The following OGDH variants were observed in gnomAD, a reference collection of about 807,000 sequenced individuals.
OGDH encodes 2-oxoglutarate dehydrogenase complex component E1.
OGDH carries 38 observed loss-of-function variants against 116.6 expected under a neutral mutation model. That is an observed-to-expected ratio of 0.33 (90% CI 0.25 to 0.43). The LOEUF (loss-of-function observed/expected upper bound fraction) is 0.43. Among genes scored for constraint, OGDH ranks in the 20% least tolerant of loss-of-function variants. The probability of loss-of-function intolerance (pLI) is 1.00; values close to 1 mark genes in which losing one functional copy is unlikely to be tolerated. For missense variants in OGDH, 825 were observed against 1,357.2 expected (o/e 0.61, Z 6.16); for synonymous variants, 488 against 533.3 (o/e 0.92, Z 1.17).
intron 4 of OGDH, among the ~76,000 whole-genome samples, chr7:44,652,868 G>T (rs1234337271): frequency 6.6e-6 from 1 of 152,044 alleles, no homozygotes; most frequent in African/African-American, 2.4e-5. Context: ...TGGTAGGAGG[G>T]CTCCTAGGGA....
chr7:44,609,873 A>T (rs1784497371), intron 1 of OGDH, among the ~76,000 whole-genome samples: 1 of 152,180 alleles, frequency 6.6e-6, no homozygotes, highest in South Asian at 2.1e-4. Context: ...TTTTTATTAT[A>T]GCCATTCCAA....
At chr7:44,661,983 C>G (rs572968444) in intron 4 of OGDH, among the ~76,000 whole-genome samples, 2 of 152,186 alleles carry the variant, frequency 1.3e-5, no homozygotes, top group African/African-American at 4.8e-5. Flanking sequence ...TTATCATCTA[C>G]TAGTGTCATA....
chr7:44,675,830 T>C, intron 8 of OGDH, 140 bp from the exon 9 acceptor site: 2 of 771,102 alleles, frequency 2.6e-6, no homozygotes, highest in South Asian at 3.7e-5. Context: ...TGAGCCGAGA[T>C]CGCGCCATTG....
Position 44,697,623 on chromosome 7 carries a change from CA to C in OGDH, c.2200del (p.Met734TrpfsTer121). The C allele has an allele frequency of 6.2e-7, 1 of 1,614,270 alleles. No individual in the cohort carries two copies. The highest frequency in any genetic ancestry group is 8.5e-7 in the Non-Finnish European group (1 of 1,180,048). Reference protein sequence around the residue: ...GVLGFELGFAMASPNALVLWE... With the variant: ...GVLGFELGFAXASPNALVLWE... The stretch of plus-strand genomic sequence containing the variant: ...TTGTAGGCTTTGAGCTGGGCTTCGC[CA>C]TGGCCAGTCCTAATGCCCTGGTCCT... On this transcript the variant is annotated frameshift_variant, in exon 17 of 23. Coordinates refer to ENST00000222673, the MANE Select transcript of OGDH (RefSeq NM_002541.4). LOFTEE classifies it high-confidence loss of function. The surrounding 1 kb of genome is among the most constrained non-coding windows in gnomAD (Gnocchi z 6.0).
At chr7:44,623,330 G>A (rs1366150448) in intron 1 of OGDH, among the ~76,000 whole-genome samples, 1 of 152,110 alleles carries the variant, frequency 6.6e-6, no homozygotes, top group Non-Finnish European at 1.5e-5. Context: ...GGCATATTCT[G>A]CACCTCTCAA....
At chr7:44,660,822 G>T (rs1367172803) in intron 4 of OGDH, among the ~76,000 whole-genome samples, 2 of 152,120 alleles carry the variant, frequency 1.3e-5, no homozygotes, top group African/African-American at 4.8e-5. Context: ...TAGCCACTCA[G>T]GAGGCTAAGG....
intron 4 of OGDH, among the ~76,000 whole-genome samples, chr7:44,659,315 T>C (rs1163913461): frequency 6.6e-6 from 1 of 152,244 alleles, no homozygotes; most frequent in African/African-American, 2.4e-5. Context: ...TCTGTCTCTT[T>C]ATATATTTTG....
In OGDH at chr7:44,629,577, TTTC is replaced by T. The variant is rs1270667816; in HGVS notation, c.222+5015_222+5017del. Among the ~76,000 whole-genome samples the T allele has an allele frequency of 6.4e-4, 41 of 64,362 alleles. 1 individual carries two copies. The highest frequency in any genetic ancestry group is 1.5e-3 in the Non-Finnish European group (30 of 19,454). The allele number at this position is 64,362 out of a possible 152,430, so 42.2% of individuals were successfully genotyped here. ...TCTTTTCTTTCCTTTTTCTTTTTCT[TTTC>T]TTTTTTTTTTTTTTTTTTGAGACGA... On this transcript the variant is annotated intron_variant, in intron 2 of 22. Transcript: ENST00000222673.
chr7:44,620,000 T>C (rs906876228), intron 1 of OGDH, among the ~76,000 whole-genome samples: 17 of 152,120 alleles, frequency 1.1e-4, no homozygotes, highest in African/African-American at 3.4e-4. Flanking sequence ...TCTTAATAAG[T>C]TCTTTGAAGC....
intron 4 of OGDH, among the ~76,000 whole-genome samples, chr7:44,650,523 A>G (rs185003721): frequency 2.0e-5 from 3 of 152,298 alleles, no homozygotes; most frequent in Admixed American, 6.5e-5. Flanking sequence ...GACCTTAACT[A>G]TGCTCCAAGT....
At chr7:44,673,605 C>T (rs145533773) in intron 5 of OGDH, among the ~76,000 whole-genome samples, 182 bp from the exon 6 acceptor site, 3,337 of 152,316 alleles carry the variant, frequency 0.022, 40 homozygotes, top group Non-Finnish European at 0.035. Flanking sequence ...CTTCATGACC[C>T]TATGAAGAGG....
chr7:44,620,785 G>A (rs950384013), intron 1 of OGDH, among the ~76,000 whole-genome samples: 4 of 151,510 alleles, frequency 2.6e-5, no homozygotes, highest in Non-Finnish European at 4.4e-5. Flanking sequence ...ATCAGCTGTC[G>A]TTAGTGTTAG....
chr7:44,681,765 G>T lies in OGDH; in HGVS notation c.1252G>T (p.Gly418Cys). ...LHGDAAFAGQ[G>C]IVYETFHLSD... Reference sequence around the variant, plus strand: ...TGGGGATGCTGCATTTGCTGGCCAGGGCATTGTGTACGAGACCTTCCACCT... The same window carrying T: ...TGGGGATGCTGCATTTGCTGGCCAGTGCATTGTGTACGAGACCTTCCACCT... The change falls in exon 10 of 23, where the codon GGC becomes TGC. Residue 418 changes from glycine (G) to cysteine (C), a missense_variant. By Grantham distance (159) the Gly-to-Cys change is radical. This residue lies in a region of OGDH where 146 missense variants were observed against 317.3 expected (regional missense o/e 0.46). Transcript: ENST00000222673. 1 of 1,614,062 alleles carries T rather than the reference G, an allele frequency of 6.2e-7. No individual in the cohort carries two copies. The highest frequency in any genetic ancestry group is 8.5e-7 in the Non-Finnish European group (1 of 1,180,020).
At chr7:44,639,552 C>T (rs1227040598) in intron 2 of OGDH, among the ~76,000 whole-genome samples, 2 of 152,214 alleles carry the variant, frequency 1.3e-5, no homozygotes, top group African/African-American at 4.8e-5. Context: ...TATTAAAATT[C>T]ACTTGTTTTA....
Position 44,624,431 on chromosome 7 carries a change from G to A in OGDH, c.88G>A (p.Ala30Thr), listed in dbSNP as rs754252689. The A allele has an allele frequency of 2.5e-6, 4 of 1,613,042 alleles. No individual in the cohort carries two copies. The highest frequency in any genetic ancestry group is 3.4e-6 in the Non-Finnish European group (4 of 1,179,906). The change falls in exon 2 of 23, where the codon GCA (alanine) becomes ACA (threonine). Residue 30 changes from alanine (A) to threonine (T), a missense_variant. Transcript: ENST00000222673. ...GACATTTTCACAAAACAGACCAGCA[G>A]CAGCTAGGACATTTCAACAGATTCG... The part of the protein sequence containing the change: ...VKTFSQNRPA[A>T]ARTFQQIRCY...
intron 2 of OGDH, among the ~76,000 whole-genome samples, chr7:44,637,328 G>T (rs1301924040): frequency 1.3e-5 from 2 of 152,144 alleles, no homozygotes; most frequent in Non-Finnish European, 2.9e-5. Flanking sequence ...CATCCCACTT[G>T]TCTTACTCTT....
intron 4 of OGDH, among the ~76,000 whole-genome samples, chr7:44,665,822 A>T (rs1787161188): frequency 6.6e-6 from 1 of 152,194 alleles, no homozygotes; most frequent in Non-Finnish European, 1.5e-5. Context: ...AGAGATGCCA[A>T]ACTGGATAAA....
intron 18 of OGDH, 93 bp from the exon 19 acceptor site, chr7:44,700,048 A>C: frequency 7.3e-7 from 1 of 1,368,812 alleles, no homozygotes; most frequent in South Asian, 1.3e-5. Context: ...GGGCAGGGAC[A>C]AATATCCAAA....
chr7:44,693,302 G>C (rs949915238), intron 10 of OGDH, among the ~76,000 whole-genome samples: 3 of 147,670 alleles, frequency 2.0e-5, no homozygotes, highest in African/African-American at 7.6e-5. Flanking sequence ...GTGAGACTTC[G>C]TCTCAAAAAA....
Sources: allele counts gnomAD v4.1 joint callset (sites outside exome capture counted in the v4.1 genomes callset), GRCh38; gene constraint gnomAD v4.1.1; regional missense constraint gnomAD v4.1.1; non-coding constraint Gnocchi (gnomAD v3.1); transcripts MANE v1.5; gene names NCBI Gene and HGNC (gene_info 2026-07-23, HGNC 2026-07-21).